KCNC2: variants seen among roughly 807,000 people sequenced by gnomAD.
The protein encoded by KCNC2 is potassium voltage-gated channel subfamily C member 2.
Under a neutral mutation model 44.5 loss-of-function variants are expected in KCNC2, and 21 were observed. That is an observed-to-expected ratio of 0.47 (90% CI 0.33 to 0.68). The LOEUF (loss-of-function observed/expected upper bound fraction) is 0.68, where lower values mean the gene tolerates loss of function less well. Ranked by LOEUF, KCNC2 falls within the 30% of genes least tolerant of loss-of-function variation. The pLI, the probability that KCNC2 is intolerant of heterozygous loss-of-function variation, is 0.01. For synonymous variants in KCNC2, 391 were observed against 339.1 expected, an observed-to-expected ratio of 1.15 and a Z score of -1.68; for missense variants, 589 against 826.2, an observed-to-expected ratio of 0.71 and a Z score of 3.52.
chr12:75,042,948 C>A lies in KCNC2; in HGVS notation c.*157G>T. 7.1e-7 allele frequency: 1 copy of A among 1,405,254 alleles called. No homozygotes were observed. The highest frequency in any genetic ancestry group is 1.7e-5 in the South Asian group (1 of 59,830). The allele number at this position is 1,405,254 out of a possible 1,614,324, so 87.0% of individuals were successfully genotyped here. ...AGCCTGGGTAAGATTCATTAGCTAC[C>A]CAAGTGGCATTTCTGACTTCAAATT... On this transcript the variant is annotated 3_prime_UTR_variant, in exon 5 of 5. Transcript: ENST00000549446.
chr12:75,065,232 C>T (rs1043265419), intron 2 of KCNC2, among the ~76,000 whole-genome samples: 8 of 152,028 alleles, frequency 5.3e-5, no homozygotes, highest in African/African-American at 1.9e-4. Flanking sequence ...AAGACAGAAT[C>T]ACTGGGATTC....
At chr12:75,050,045 A>T (rs567340934) in intron 3 of KCNC2, among the ~76,000 whole-genome samples, 1 of 152,176 alleles carries the variant, frequency 6.6e-6, no homozygotes, top group South Asian at 2.1e-4. Context: ...AGGATGAAAG[A>T]TGAAAAATGG....
intron 2 of KCNC2, among the ~76,000 whole-genome samples, chr12:75,091,661 T>C (rs1291153742): frequency 6.6e-6 from 1 of 151,600 alleles, no homozygotes; most frequent in Non-Finnish European, 1.5e-5. Context: ...AAAATCAGTT[T>C]AGAAGTTGTT....
At chr12:75,183,231 A>T (rs1892721649) in intron 2 of KCNC2, among the ~76,000 whole-genome samples, 1 of 152,218 alleles carries the variant, frequency 6.6e-6, no homozygotes, top group South Asian at 2.1e-4. Context: ...ACACAGTGTG[A>T]AAATTTTGTT....
chr12:75,192,270 C>T (rs746422972), intron 2 of KCNC2, among the ~76,000 whole-genome samples: 7 of 152,210 alleles, frequency 4.6e-5, no homozygotes, highest in South Asian at 2.1e-4. Context: ...TCCTAGGACA[C>T]GGCATCCTTC....
intron 2 of KCNC2, among the ~76,000 whole-genome samples, chr12:75,191,974 C>A (rs894215981): frequency 1.3e-5 from 2 of 152,192 alleles, no homozygotes; most frequent in Non-Finnish European, 1.5e-5. Context: ...ATTTACATGA[C>A]CGCTATAATG....
intron 2 of KCNC2, among the ~76,000 whole-genome samples, chr12:75,066,935 G>A (rs1882888320): frequency 6.6e-6 from 1 of 152,124 alleles, no homozygotes; most frequent in Non-Finnish European, 1.5e-5. Context: ...GGGCATGGTG[G>A]CTCACGTCTG....
At chr12:75,078,843 C>T (rs568561660) in intron 2 of KCNC2, among the ~76,000 whole-genome samples, 20 of 152,180 alleles carry the variant, frequency 1.3e-4, no homozygotes, top group African/African-American at 3.6e-4. Flanking sequence ...AGTGTTTTGT[C>T]ACTTAAGATG....
At chr12:75,178,813 C>T (rs1473858830) in intron 2 of KCNC2, among the ~76,000 whole-genome samples, 1 of 152,018 alleles carries the variant, frequency 6.6e-6, no homozygotes, top group African/African-American at 2.4e-5. Context: ...GCAAGTAGTT[C>T]AGGGTTAAGA....
chr12:75,106,572 T>A (rs1254156555), intron 2 of KCNC2, among the ~76,000 whole-genome samples: 1 of 151,832 alleles, frequency 6.6e-6, no homozygotes, highest in Non-Finnish European at 1.5e-5. Context: ...TAGGAGAAAA[T>A]CAAAGGATGA....
At chr12:75,124,596 G>C (rs1888269183) in intron 2 of KCNC2, among the ~76,000 whole-genome samples, 1 of 152,028 alleles carries the variant, frequency 6.6e-6, no homozygotes, top group African/African-American at 2.4e-5. Context: ...CATTAAAGAA[G>C]GATTAAGATA....
chr12:75,182,264 G>A (rs1892635786), intron 2 of KCNC2, among the ~76,000 whole-genome samples: 1 of 151,542 alleles, frequency 6.6e-6, no homozygotes, highest in Non-Finnish European at 1.5e-5. Context: ...GGTGGCTCAC[G>A]CCTGTAATCC....
rs565255977 is a variant in KCNC2 at position 75,091,682 on chromosome 12, G to A, written c.688-40365C>T. On this transcript the variant is annotated intron_variant, in intron 2 of 4. Coordinates refer to ENST00000549446, the MANE Select transcript of KCNC2 (RefSeq NM_139137.4). ...AGTTTAGAAGTTGTTAGAATATGTG[G>A]GGAATTTTATCTCATTGATGGGAAA... Among the ~76,000 whole-genome samples the A allele has an allele frequency of 8.6e-5, 13 of 151,314 alleles. No individual in the cohort carries two copies. In the South Asian group the frequency reaches 1.0e-3, roughly 12 times the overall value.
intron 2 of KCNC2, among the ~76,000 whole-genome samples, chr12:75,185,620 A>C (rs1198285760): frequency 6.6e-6 from 1 of 152,096 alleles, no homozygotes; most frequent in Non-Finnish European, 1.5e-5. Flanking sequence ...TAATCCAAAA[A>C]AATTTTGTTC....
intron 2 of KCNC2, among the ~76,000 whole-genome samples, chr12:75,122,790 G>A (rs551682812): frequency 5.1e-4 from 77 of 151,818 alleles, no homozygotes; most frequent in African/African-American, 1.7e-3. Flanking sequence ...AGTAAAAATC[G>A]GAAAGCGGAA....
Position 75,041,389 on chromosome 12 carries a change from A to G in KCNC2, c.*1716T>C, listed in dbSNP as rs1179322885. ...TCCAACATGCAGGTCATGCTCTAGG[A>G]CTTGGGGATATAGAGTAATACATGT... is the stretch of plus-strand genomic sequence containing the variant. On this transcript the variant is annotated 3_prime_UTR_variant, in exon 5 of 5. Coordinates refer to ENST00000549446, the MANE Select transcript of KCNC2 (RefSeq NM_139137.4). 7.1e-7 allele frequency: 1 copy of G among 1,406,666 alleles called. No individual in the cohort carries two copies. Among genetic ancestry groups the G allele is most frequent in the Non-Finnish European group, 9.3e-7 (1 of 1,078,954 alleles). The allele number at this position is 1,406,666 out of a possible 1,614,324, so 87.1% of individuals were successfully genotyped here.
At chr12:75,101,276 T>C (rs1464050061) in intron 2 of KCNC2, among the ~76,000 whole-genome samples, 1 of 151,952 alleles carries the variant, frequency 6.6e-6, no homozygotes, top group Admixed American at 6.6e-5. Flanking sequence ...ACCATTAAAC[T>C]TCTTTTCACA....
intron 2 of KCNC2, among the ~76,000 whole-genome samples, chr12:75,103,756 A>G (rs1592875714): frequency 6.6e-6 from 1 of 152,288 alleles, no homozygotes; most frequent in Non-Finnish European, 1.5e-5. Flanking sequence ...TTTTTTCTAT[A>G]CACAACTATG....
intron 2 of KCNC2, among the ~76,000 whole-genome samples, chr12:75,101,849 C>T (rs1011553384): frequency 1.4e-4 from 22 of 152,008 alleles, no homozygotes; most frequent in African/African-American, 5.3e-4. Context: ...CTTGAAATTG[C>T]TAGAAAATGA....
Sources: gnomAD v4.1 joint callset for allele counts (sites outside exome capture counted in the v4.1 genomes callset) on GRCh38, gnomAD v4.1.1 for gene constraint, MANE v1.5 for transcripts, NCBI Gene and HGNC (gene_info 2026-07-23, HGNC 2026-07-21) for gene names.